DLG2: variants seen among roughly 807,000 people sequenced by gnomAD.
The protein encoded by DLG2 is disks large homolog 2.
In DLG2, 45 loss-of-function variants were observed where a neutral mutation model predicts 132.5. The observed-to-expected ratio is 0.34, with a 90% confidence interval of 0.27 to 0.44. The LOEUF (loss-of-function observed/expected upper bound fraction) is 0.44. Among genes scored for constraint, DLG2 ranks in the 20% least tolerant of loss-of-function variants. The pLI, the probability that DLG2 is intolerant of heterozygous loss-of-function variation, is 1.00. For synonymous variants in DLG2, 424 were observed against 419.6 expected, an observed-to-expected ratio of 1.01 and a Z score of -0.13; for missense variants, 1,045 against 1,196.9, an observed-to-expected ratio of 0.87 and a Z score of 1.87.
At chr11:83,874,263 A>AG (rs1316234330) in intron 16 of DLG2, among the ~76,000 whole-genome samples, 157 bp downstream of exon 16, 16 of 142,636 alleles carry the variant, frequency 1.1e-4, no homozygotes, top group East Asian at 9.0e-4. Flanking sequence ...AAGGAAGGAA[A>AG]GAAGGAAGGA....
At chr11:83,557,242 G>A (rs756170870) in intron 19 of DLG2, among the ~76,000 whole-genome samples, 1 of 152,166 alleles carries the variant, frequency 6.6e-6, no homozygotes, top group Non-Finnish European at 1.5e-5. Context: ...CTTTCTATTT[G>A]GTTTGTTTGT....
At chr11:85,159,307 G>T (rs975688843) in intron 4 of DLG2, among the ~76,000 whole-genome samples, 1 of 152,200 alleles carries the variant, frequency 6.6e-6, no homozygotes, top group Non-Finnish European at 1.5e-5. Context: ...GTGCCAGAAT[G>T]CATAATTGGC....
chr11:84,607,472 A>C (rs11234097), intron 6 of DLG2, among the ~76,000 whole-genome samples: 1 of 152,004 alleles, frequency 6.6e-6, no homozygotes, highest in Non-Finnish European at 1.5e-5. Context: ...TTGGGGGGGC[A>C]GGGAGAGCAG....
intron 6 of DLG2, among the ~76,000 whole-genome samples, chr11:84,950,505 A>C (rs2050775992): frequency 6.6e-6 from 1 of 152,250 alleles, no homozygotes; most frequent in Admixed American, 6.5e-5. Context: ...ATTTATGCAC[A>C]TATGCAGCTA....
At chr11:85,440,953 G>T (rs537416845) in intron 3 of DLG2, among the ~76,000 whole-genome samples, 1 of 152,076 alleles carries the variant, frequency 6.6e-6, no homozygotes, top group Non-Finnish European at 1.5e-5. Flanking sequence ...ACCTTGTCAC[G>T]TCCATTTGAC....
chr11:84,414,224 A>G (rs536857043), intron 7 of DLG2, among the ~76,000 whole-genome samples: 140 of 152,350 alleles, frequency 9.2e-4, no homozygotes, highest in African/African-American at 3.3e-3. Flanking sequence ...ATCTAAATTA[A>G]TTAACATAGT....
intron 19 of DLG2, among the ~76,000 whole-genome samples, chr11:83,629,765 G>T (rs943795942): frequency 1.4e-4 from 22 of 152,116 alleles, no homozygotes; most frequent in African/African-American, 4.8e-4. Context: ...GGCAGTGAAC[G>T]AGAGCCTCAA....
At chr11:83,676,106 C>G (rs1463603410) in intron 18 of DLG2, among the ~76,000 whole-genome samples, 1 of 152,118 alleles carries the variant, frequency 6.6e-6, no homozygotes, top group Non-Finnish European at 1.5e-5. Context: ...TTTATCCTAC[C>G]TAAGCTTTAG....
At chr11:84,067,764 C>G (rs901413459) in intron 10 of DLG2, among the ~76,000 whole-genome samples, 10 of 152,100 alleles carry the variant, frequency 6.6e-5, no homozygotes, top group Admixed American at 1.3e-4. Flanking sequence ...CCCTAATGAT[C>G]TGTATATTTC....
chr11:84,410,621 C>T (rs919827245), intron 7 of DLG2, among the ~76,000 whole-genome samples: 2 of 141,310 alleles, frequency 1.4e-5, no homozygotes, highest in African/African-American at 5.3e-5. Context: ...GCTTTTGTCG[C>T]CCAGCTGGAG....
intron 4 of DLG2, among the ~76,000 whole-genome samples, chr11:85,190,406 G>A (rs2032422244): frequency 6.6e-6 from 1 of 151,706 alleles, no homozygotes; most frequent in Non-Finnish European, 1.5e-5. Flanking sequence ...ACAATGAAAA[G>A]TTAGGAAGAT....
At chr11:85,003,726 AT>A (rs1028692644) in intron 6 of DLG2, among the ~76,000 whole-genome samples, 2 of 151,770 alleles carry the variant, frequency 1.3e-5, no homozygotes, top group African/African-American at 4.8e-5. Context: ...TAGAATGTCT[AT>A]TTTTTTCATT....
intron 3 of DLG2, among the ~76,000 whole-genome samples, chr11:85,443,008 A>G (rs1425685964): frequency 6.6e-6 from 1 of 152,238 alleles, no homozygotes; most frequent in East Asian, 1.9e-4. Context: ...TGCTATGACA[A>G]TATACAACGG....
At chr11:84,537,129 G>C (rs1027359849) in intron 6 of DLG2, among the ~76,000 whole-genome samples, 2 of 151,820 alleles carry the variant, frequency 1.3e-5, no homozygotes, top group Admixed American at 1.3e-4. Flanking sequence ...TTATGAGACG[G>C]ACTCCAGCTC....
intron 18 of DLG2, among the ~76,000 whole-genome samples, chr11:83,662,126 A>T: frequency 6.6e-6 from 1 of 152,126 alleles, no homozygotes; most frequent in Non-Finnish European, 1.5e-5. Flanking sequence ...CTCTACTAGG[A>T]CAGCCAGATT....
intron 7 of DLG2, among the ~76,000 whole-genome samples, chr11:84,410,251 C>T (rs1020764965): frequency 9.9e-5 from 15 of 152,214 alleles, no homozygotes; most frequent in Non-Finnish European, 1.6e-4. Flanking sequence ...AAATGACACT[C>T]CAAGTCACAT....
At chr11:84,191,655 GA>G (rs1197146963) in intron 8 of DLG2, among the ~76,000 whole-genome samples, 27 of 152,146 alleles carry the variant, frequency 1.8e-4, no homozygotes, top group African/African-American at 6.3e-4. Flanking sequence ...CTTTCTTAAA[GA>G]AAAGTCTTAG....
intron 3 of DLG2, among the ~76,000 whole-genome samples, chr11:85,476,616 A>AT (rs1565550729): frequency 6.6e-6 from 1 of 151,842 alleles, no homozygotes; most frequent in Admixed American, 6.6e-5. Context: ...TCTATTTTTA[A>AT]TTTTTTACAT....
rs2079930698 is a variant in DLG2, at chr11:83,930,407, C to T, written c.1417G>A (p.Glu473Lys). The change falls in exon 15 of 28, where the codon GAG (glutamate) becomes AAG (lysine). Residue 473 changes from glutamate (E) to lysine (K), a missense_variant. Around this residue, in one of 4 missense-constraint regions of DLG2, gnomAD observed 261 missense variants for 256.1 expected, o/e 1.02. Transcript: ENST00000376104. ...PASPRHYSPV[E>K]CDKSFLLSAP... The stretch of plus-strand genomic sequence containing the variant: ...GAGAGGAGGAAGCTTTTGTCACACT[C>T]AACAGGGGAATAGTGCCTGGGAGAA... The T allele has an allele frequency of 6.2e-7, 1 of 1,613,890 alleles. No individual in the cohort carries two copies. Among genetic ancestry groups the T allele is most frequent in the Non-Finnish European group, 8.5e-7 (1 of 1,179,958 alleles).
Sources: gnomAD v4.1 joint callset for allele counts (sites outside exome capture counted in the v4.1 genomes callset) on GRCh38, gnomAD v4.1.1 for gene constraint, gnomAD v4.1.1 regional missense constraint, MANE v1.5 for transcripts, NCBI Gene and HGNC (gene_info 2026-07-23, HGNC 2026-07-21) for gene names.